The following GPM6A variants were observed in gnomAD, a reference collection of about 807,000 sequenced individuals.
GPM6A encodes neuronal membrane glycoprotein M6-a.
Under a neutral mutation model 32.1 loss-of-function variants are expected in GPM6A, and 7 were observed. That is an observed-to-expected ratio of 0.22 (90% CI 0.12 to 0.41). GPM6A has a LOEUF of 0.41. Among genes scored for constraint, GPM6A ranks in the 10% least tolerant of loss-of-function variants. The pLI is 1.00. For missense variants in GPM6A, 235 were observed against 347.2 expected (o/e 0.68, Z 2.57); for synonymous variants, 130 against 123.4 (o/e 1.05, Z -0.35).
At chr4:175,655,145 A>G (rs1742012003) in intron 3 of GPM6A, among the ~76,000 whole-genome samples, 1 of 152,140 alleles carries the variant, frequency 6.6e-6, no homozygotes, top group Non-Finnish European at 1.5e-5. Context: ...CAGCAAATTA[A>G]CAAAGCTGGA....
chr4:175,806,533 A>T (rs1490150802), intron 1 of GPM6A, among the ~76,000 whole-genome samples: 1 of 152,244 alleles, frequency 6.6e-6, no homozygotes, highest in Non-Finnish European at 1.5e-5. Flanking sequence ...TACCACAGAC[A>T]CTAAAAGAAA....
chr4:175,889,231 T>A lies in GPM6A; in HGVS notation c.-22-76982A>T, dbSNP rs552232507. 9.8e-5 allele frequency among the ~76,000 whole-genome samples: 15 copies of A among 152,312 alleles called. No homozygotes were observed. The South Asian group carries it at 3.1e-3, about 32-fold the overall frequency. On this transcript the variant is annotated intron_variant, in intron 1 of 7. Coordinates refer to the GPM6A transcript ENST00000280187. Reference sequence around the variant, plus strand: ...ATTTTGTCATTAGAATAGAATAGTATTTTTAAGCGACAAATAATACAAACA... The same window carrying A: ...ATTTTGTCATTAGAATAGAATAGTAATTTTAAGCGACAAATAATACAAACA...
At chr4:175,635,273 T>C (rs182031458) in intron 6 of GPM6A, among the ~76,000 whole-genome samples, 1 of 152,284 alleles carries the variant, frequency 6.6e-6, no homozygotes, top group African/African-American at 2.4e-5. Flanking sequence ...TCTTTCAGTA[T>C]CTCTTTCTCC....
intron 1 of GPM6A, among the ~76,000 whole-genome samples, chr4:175,738,875 A>G (rs577700338): frequency 1.3e-5 from 2 of 152,290 alleles, no homozygotes; most frequent in African/African-American, 4.8e-5. Context: ...TATTTGCTTG[A>G]GATATACAAA....
chr4:175,745,720 C>A (rs911529858), intron 1 of GPM6A, among the ~76,000 whole-genome samples: 1 of 152,150 alleles, frequency 6.6e-6, no homozygotes, highest in Non-Finnish European at 1.5e-5. Context: ...ACCAAATACA[C>A]AAAATATTCA....
chr4:175,783,368 T>G (rs1015847243), intron 1 of GPM6A, among the ~76,000 whole-genome samples: 3 of 151,968 alleles, frequency 2.0e-5, no homozygotes, highest in Non-Finnish European at 2.9e-5. Context: ...TTCTCCATTT[T>G]CATCAGAAAT....
At position 175,844,243 on chromosome 4, in the gene GPM6A, T is replaced by C. The variant is rs1043533540; in HGVS notation, c.-22-31994A>G. ...AATAATTTGTCTTTAACATGAGAAA[T>C]ATAAAATTGTGAGTTTATGTTCCTT... is the stretch of plus-strand genomic sequence containing the variant. On this transcript the variant is annotated intron_variant, in intron 1 of 7. Coordinates refer to the GPM6A transcript ENST00000280187. Among the ~76,000 whole-genome samples the C allele has an allele frequency of 2.0e-5, 3 of 152,264 alleles. No individual in the cohort carries two copies. In the East Asian group the frequency reaches 5.8e-4, roughly 29 times the overall value.
intron 1 of GPM6A, chr4:175,960,789 G>A (rs1740139420): frequency 6.6e-6 from 1 of 152,138 alleles, no homozygotes; most frequent in Admixed American, 6.5e-5. Context: ...AATTACACAA[G>A]ATCTCTTCAA....
rs139104338 is a variant in GPM6A, at chr4:175,932,476, G to A, written c.-23+69833C>T. Among the ~76,000 whole-genome samples, 318 of 152,230 alleles carry A rather than the reference G, an allele frequency of 2.1e-3. 2 individuals carry two copies. Among genetic ancestry groups the A allele is most frequent in the African/African-American group, 7.0e-3 (290 of 41,544 alleles). On this transcript the variant is annotated intron_variant, in intron 1 of 7. Transcript: ENST00000280187. ...CTCGGACTTTCCATCCTCCGTTACC[G>A]CGAGAAAATAAATTTCCATTCTTTA...
chr4:175,808,399 T>C (rs1734784526), intron 1 of GPM6A, among the ~76,000 whole-genome samples: 1 of 152,208 alleles, frequency 6.6e-6, no homozygotes, highest in Non-Finnish European at 1.5e-5. Context: ...TAGATCAACA[T>C]TAACATTGAT....
chr4:175,840,880 C>A lies in GPM6A; in HGVS notation c.-22-28631G>T, dbSNP rs546038516. Among the ~76,000 whole-genome samples the A allele has an allele frequency of 3.9e-5, 6 of 152,066 alleles. No homozygotes were observed. In the South Asian group the frequency reaches 1.2e-3, roughly 32 times the overall value. ...AAAGACAATAATAGCAAAACATTGG[C>A]AAATATAACATTAATTGAGTTCCCG... On this transcript the variant is annotated intron_variant, in intron 1 of 7. Coordinates refer to the GPM6A transcript ENST00000280187.
intron 1 of GPM6A, among the ~76,000 whole-genome samples, chr4:175,995,973 T>C (rs1033218432): frequency 2.7e-5 from 4 of 147,822 alleles, no homozygotes; most frequent in East Asian, 1.9e-4. Flanking sequence ...ATAGTGAGCA[T>C]TGAGTACACA....
At chr4:175,757,683 T>G (rs1732581262) in intron 1 of GPM6A, among the ~76,000 whole-genome samples, 1 of 152,214 alleles carries the variant, frequency 6.6e-6, no homozygotes, top group South Asian at 2.1e-4. Context: ...TTTTTAAGAC[T>G]TAATTTTAAA....
intron 1 of GPM6A, among the ~76,000 whole-genome samples, chr4:175,890,324 G>A (rs974759828): frequency 2.6e-5 from 4 of 152,040 alleles, no homozygotes; most frequent in African/African-American, 7.2e-5. Flanking sequence ...AACTCCATAT[G>A]TATGTACGAA....
At chr4:175,832,863 AG>A (rs1375370961) in intron 1 of GPM6A, among the ~76,000 whole-genome samples, 2 of 152,230 alleles carry the variant, frequency 1.3e-5, no homozygotes. Flanking sequence ...ATGTCAGGAC[AG>A]GGGAACATCT....
intron 1 of GPM6A, among the ~76,000 whole-genome samples, chr4:175,969,442 C>T (rs1261066642): frequency 2.0e-5 from 3 of 152,134 alleles, no homozygotes; most frequent in African/African-American, 7.2e-5. Context: ...GGCAAGGTGG[C>T]TCATGCCTGT....
chr4:175,682,088 G>T (rs558651700), intron 2 of GPM6A, among the ~76,000 whole-genome samples: 1 of 152,214 alleles, frequency 6.6e-6, no homozygotes, highest in Admixed American at 6.5e-5. Flanking sequence ...CAAGGTCTCA[G>T]ATGAAAATGA....
chr4:176,000,309 C>T (rs1289630284), intron 1 of GPM6A, among the ~76,000 whole-genome samples: 1 of 152,160 alleles, frequency 6.6e-6, no homozygotes, highest in African/African-American at 2.4e-5. Context: ...TGTCAGATTA[C>T]AGACAGGAAA....
intron 1 of GPM6A, among the ~76,000 whole-genome samples, chr4:175,906,495 C>T (rs1177409537): frequency 2.0e-5 from 3 of 152,080 alleles, no homozygotes; most frequent in Non-Finnish European, 4.4e-5. Context: ...CTCCAGTGCT[C>T]TTATTTTTCT....
Sources: gnomAD v4.1 joint callset for allele counts (sites outside exome capture counted in the v4.1 genomes callset) on GRCh38, gnomAD v4.1.1 for gene constraint, MANE v1.5 for transcripts, NCBI Gene and HGNC (gene_info 2026-07-23, HGNC 2026-07-21) for gene names.